CIB2: variants seen among roughly 807,000 people sequenced by gnomAD.
CIB2 encodes calcium and integrin binding family member 2, also known as calcium and integrin-binding family member 2.
A neutral mutation model predicts 23.1 loss-of-function variants in CIB2; 19 were observed. The observed-to-expected ratio is 0.82, with a 90% CI of 0.57 to 1.21. The LOEUF is 1.21. Ranked by LOEUF, CIB2 falls within the 50% of genes most tolerant of loss-of-function variation. CIB2 has a pLI of 0.00. For missense variants in CIB2, 220 were observed against 241.5 expected, an observed-to-expected ratio of 0.91 and a Z score of 0.59; for synonymous variants, 94 against 91.7, an observed-to-expected ratio of 1.03 and a Z score of -0.14.
At chr15:78,129,030 G>T (rs1486425765) in intron 1 of CIB2, among the ~76,000 whole-genome samples, 1 of 152,186 alleles carries the variant, frequency 6.6e-6, no homozygotes, top group Non-Finnish European at 1.5e-5. Flanking sequence ...CTGGGGGATG[G>T]CCGTACAATG....
Position 78,126,473 on chromosome 15 carries a change from CT to C in CIB2, c.52-2735del, listed in dbSNP as rs540995490. Among the ~76,000 whole-genome samples, 18 of 152,036 alleles carry C rather than the reference CT, an allele frequency of 1.2e-4. No individual in the cohort carries two copies. The South Asian group carries it at 3.5e-3, about 30-fold the overall frequency. On this transcript the variant is annotated intron_variant, in intron 1 of 5. Transcript: ENST00000258930. ...TTTTTTCTTTTTAATGGGAGTAGAC[CT>C]TGGGGCCCTCACTGGCAAGGAAGCA...
intron 4 of CIB2, 31 bp from the exon 5 acceptor site, chr15:78,105,965 C>T (rs1226108769): frequency 6.3e-7 from 1 of 1,595,846 alleles, no homozygotes; most frequent in East Asian, 2.2e-5. Context: ...ATGTTCAAGT[C>T]CAGGCTGCGT....
At chr15:78,113,348 T>A (rs1349750751) in intron 2 of CIB2, among the ~76,000 whole-genome samples, 1 of 152,134 alleles carries the variant, frequency 6.6e-6, no homozygotes, top group African/African-American at 2.4e-5. Context: ...GTACTTTGGG[T>A]GGGAGGAGGC....
intron 2 of CIB2, chr15:78,120,694 T>G (rs1387948923): frequency 1.2e-5 from 12 of 985,210 alleles, no homozygotes; most frequent in Non-Finnish European, 1.4e-5. Context: ...GAAGGAGAAT[T>G]GGAGGCGGGC....
In CIB2 at chr15:78,131,404, G is replaced by A. The variant is rs1017105941; in HGVS notation, c.-189C>T. On this transcript the variant is annotated 5_prime_UTR_variant, in exon 1 of 6. Coordinates refer to ENST00000258930, the MANE Select transcript of CIB2 (RefSeq NM_006383.4). The surrounding 1 kb of genome is among the most constrained non-coding windows in gnomAD (Gnocchi z 5.8). ...GCGCGGGGGTCTCGGAGGCGGGGAC[G>A]GGAACCCGGAGCGGCAGCGACTCCG... The A allele has an allele frequency of 4.3e-6, 1 of 231,674 alleles. No individual in the cohort carries two copies. The highest frequency in any genetic ancestry group is 7.6e-6 in the Non-Finnish European group (1 of 132,098). The allele number at this position is 231,674 out of a possible 1,614,324, so 14.4% of individuals were successfully genotyped here.
intron 2 of CIB2, among the ~76,000 whole-genome samples, chr15:78,119,917 T>G (rs1480100696): frequency 6.6e-6 from 1 of 151,930 alleles, no homozygotes; most frequent in Non-Finnish European, 1.5e-5. Flanking sequence ...TTTTTTTTTT[T>G]TGAGTCAGAG....
At position 78,111,239 on chromosome 15, in the gene CIB2, C is replaced by T. The variant is rs756400008; in HGVS notation, c.124G>A (p.Val42Ile). 33 of 1,614,108 alleles carry T rather than the reference C, an allele frequency of 2.0e-5. No individual in the cohort carries two copies. The Middle Eastern group carries it at 4.9e-4, about 24-fold the overall frequency. ...GGGCTCTTCCTGTAGTCCATTGGGACGAGGTTGGGGGCCAGCTCATAGAAT... is the reference window on the plus strand; with the variant it reads ...GGGCTCTTCCTGTAGTCCATTGGGATGAGGTTGGGGGCCAGCTCATAGAAT... ...SRFYELAPNLVPMDYRKSPIV... is the reference protein window; with the variant it reads ...SRFYELAPNLIPMDYRKSPIV... The change falls in exon 3 of 6, where the codon GTC (valine) becomes ATC (isoleucine). Residue 42 changes from valine to isoleucine, a missense_variant. By Grantham distance (29) the Val-to-Ile change is conservative. Coordinates refer to ENST00000258930, the MANE Select transcript of CIB2 (RefSeq NM_006383.4).
intron 1 of CIB2, among the ~76,000 whole-genome samples, chr15:78,125,119 G>T (rs962941027): frequency 2.0e-5 from 3 of 152,148 alleles, no homozygotes; most frequent in African/African-American, 7.2e-5. Flanking sequence ...TCCTCTGTAG[G>T]AGCCCAGAAA....
chr15:78,117,285 A>T (rs4363838), intron 2 of CIB2, among the ~76,000 whole-genome samples: 2 of 135,504 alleles, frequency 1.5e-5, no homozygotes, highest in South Asian at 2.4e-4. Flanking sequence ...AGTTTGTTTA[A>T]AAGAATAAAT....
intron 1 of CIB2, among the ~76,000 whole-genome samples, chr15:78,129,147 C>T (rs1200478915): frequency 1.3e-5 from 2 of 152,012 alleles, no homozygotes; most frequent in African/African-American, 4.8e-5. Context: ...CTGGGAGGTC[C>T]CAAGAAACCC....
intron 2 of CIB2, among the ~76,000 whole-genome samples, chr15:78,122,931 T>A (rs1312709990): frequency 2.0e-5 from 3 of 152,204 alleles, no homozygotes; most frequent in African/African-American, 7.2e-5. Context: ...AGCCTGACCA[T>A]CGATCTCCAG....
At chr15:78,109,200 C>CGCGGG in intron 4 of CIB2, 35 bp downstream of exon 4, 1 of 1,159,170 alleles carries the variant, frequency 8.6e-7, no homozygotes, top group Non-Finnish European at 1.2e-6. Context: ...GTTCCCCCAC[C>CGCGGG]GCATATTCAG....
rs550844945 is a variant in CIB2, at chr15:78,108,479, G to A, written c.346+756C>T. 2.0e-5 allele frequency among the ~76,000 whole-genome samples: 3 copies of A among 152,276 alleles called. No individual in the cohort carries two copies. In the South Asian group the frequency reaches 6.2e-4, roughly 32 times the overall value. The stretch of plus-strand genomic sequence containing the variant: ...ATGAAGTTTTCTCCCTGTGGCTGTG[G>A]GAGAAGCATGAGTCCTTGGCTCATG... On this transcript the variant is annotated intron_variant, in intron 4 of 5. Coordinates refer to ENST00000258930, the MANE Select transcript of CIB2 (RefSeq NM_006383.4).
intron 2 of CIB2, chr15:78,120,450 T>C (rs999110432): frequency 1.4e-5 from 9 of 638,814 alleles, no homozygotes; most frequent in African/African-American, 4.0e-5. Flanking sequence ...GGCAAATACC[T>C]TGGAGTGCTG....
Position 78,105,301 on chromosome 15 carries a change from G to T in CIB2, c.*10C>A. The T allele has an allele frequency of 1.2e-6, 2 of 1,613,958 alleles. No individual in the cohort carries two copies. The highest frequency in any genetic ancestry group is 2.7e-5 in the African/African-American group (2 of 75,000). Reference sequence around the variant, plus strand: ...TGGACTTCTAGGCCCCTACAGCCTCGGCAGTGTCCTCAGATCCGGATGTGG... The same window carrying T: ...TGGACTTCTAGGCCCCTACAGCCTCTGCAGTGTCCTCAGATCCGGATGTGG... On this transcript the variant is annotated 3_prime_UTR_variant, in exon 6 of 6. Transcript: ENST00000258930.
intron 2 of CIB2, among the ~76,000 whole-genome samples, chr15:78,112,776 C>T (rs1304302665): frequency 6.6e-6 from 1 of 152,148 alleles, no homozygotes; most frequent in Non-Finnish European, 1.5e-5. Flanking sequence ...GTGGCTTGAC[C>T]CTGTGACACA....
chr15:78,123,823 CAG>C (rs2074350081), intron 1 of CIB2, 84 bp from the exon 2 acceptor site: 2 of 1,472,328 alleles, frequency 1.4e-6, no homozygotes, highest in Non-Finnish European at 1.9e-6. Context: ...ACAGGGCTCA[CAG>C]GGGATAGCTC....
intron 3 of CIB2, 136 bp from the exon 4 acceptor site, chr15:78,109,518 A>G (rs777686066): frequency 2.2e-6 from 2 of 916,484 alleles, no homozygotes; most frequent in Non-Finnish European, 3.5e-6. Context: ...ATCTGTAAAA[A>G]GGGAATAATA....
At chr15:78,109,500 G>C in intron 3 of CIB2, 118 bp from the exon 4 acceptor site, 1 of 1,125,076 alleles carries the variant, frequency 8.9e-7, no homozygotes, top group Non-Finnish European at 1.3e-6. Context: ...CTGAGCCTCG[G>C]TTTCCCCATC....
Sources: allele counts gnomAD v4.1 joint callset (sites outside exome capture counted in the v4.1 genomes callset), GRCh38; gene constraint gnomAD v4.1.1; non-coding constraint Gnocchi (gnomAD v3.1); transcripts MANE v1.5; gene names NCBI Gene and HGNC (gene_info 2026-07-23, HGNC 2026-07-21).